Variants in NEDD4L observed in about 807,000 individuals in gnomAD.
NEDD4L encodes E3 ubiquitin-protein ligase NEDD4-like.
A neutral mutation model predicts 148.9 loss-of-function variants in NEDD4L; 54 were observed. The ratio of observed to expected loss-of-function variants is 0.36; its 90% CI spans 0.29 to 0.45. The LOEUF (loss-of-function observed/expected upper bound fraction) is 0.45. Ranked by LOEUF, NEDD4L falls within the 20% of genes least tolerant of loss-of-function variation. NEDD4L has a pLI of 1.00. For missense variants in NEDD4L, 856 were observed against 1,233.8 expected (o/e 0.69, Z 4.59); for synonymous variants, 433 against 440.7 (o/e 0.98, Z 0.22).
chr18:58,236,322 A>T (rs1210460405), intron 2 of NEDD4L, among the ~76,000 whole-genome samples: 1 of 151,860 alleles, frequency 6.6e-6, no homozygotes, highest in Non-Finnish European at 1.5e-5. Context: ...TTGCCACTGC[A>T]CTCCAGCCTG....
At chr18:58,258,653 G>C (rs1339205580) in intron 5 of NEDD4L, among the ~76,000 whole-genome samples, 1 of 152,196 alleles carries the variant, frequency 6.6e-6, no homozygotes, top group African/African-American at 2.4e-5. Context: ...TGGAGAGTAA[G>C]TTCCAACTAG....
chr18:58,109,587 T>TC (rs2085296016), intron 1 of NEDD4L, among the ~76,000 whole-genome samples: 4 of 149,912 alleles, frequency 2.7e-5, no homozygotes, highest in Admixed American at 2.0e-4. Flanking sequence ...TTTTTTTTTT[T>TC]TTGAGACGGA....
intron 1 of NEDD4L, among the ~76,000 whole-genome samples, chr18:58,139,595 T>G (rs2033262589): frequency 6.6e-6 from 1 of 152,102 alleles, no homozygotes; most frequent in Non-Finnish European, 1.5e-5. Context: ...ATCCCCTAAC[T>G]CCAGTGTTGG....
chr18:58,068,675 C>T (rs765016333), intron 1 of NEDD4L, among the ~76,000 whole-genome samples: 10 of 152,154 alleles, frequency 6.6e-5, no homozygotes, highest in Admixed American at 1.3e-4. Flanking sequence ...TCTCTACTGT[C>T]TTGGGTTGGT....
At chr18:58,151,561 C>T (rs1289321265) in intron 1 of NEDD4L, among the ~76,000 whole-genome samples, 4 of 150,788 alleles carry the variant, frequency 2.7e-5, no homozygotes, top group Admixed American at 6.6e-5. Context: ...TATAAAAATA[C>T]GGATACCACC....
chr18:58,204,503 G>A (rs562435087), intron 2 of NEDD4L, among the ~76,000 whole-genome samples: 5 of 152,180 alleles, frequency 3.3e-5, no homozygotes, highest in African/African-American at 4.8e-5. Flanking sequence ...AAGTAAGTCC[G>A]TTGACTTCAA....
chr18:58,293,239 A>G (rs1336576911), intron 5 of NEDD4L, among the ~76,000 whole-genome samples: 2 of 152,074 alleles, frequency 1.3e-5, no homozygotes, highest in Non-Finnish European at 2.9e-5. Flanking sequence ...AGGTGGGGGG[A>G]TAATTGTATC....
chr18:58,387,616 G>T, intron 27 of NEDD4L, 118 bp downstream of exon 27: 1 of 1,134,214 alleles, frequency 8.8e-7, no homozygotes. Context: ...AACTTTAGAT[G>T]AATTATATTA....
intron 2 of NEDD4L, among the ~76,000 whole-genome samples, chr18:58,188,209 T>C (rs1398815450): frequency 6.6e-6 from 1 of 152,140 alleles, no homozygotes; most frequent in African/African-American, 2.4e-5. Context: ...CATTTCTCCT[T>C]TCATCAGACA....
At chr18:58,155,253 G>A (rs749098432) in intron 1 of NEDD4L, among the ~76,000 whole-genome samples, 19 of 137,232 alleles carry the variant, frequency 1.4e-4, no homozygotes, top group Non-Finnish European at 2.6e-4. Context: ...TAGTAATTGC[G>A]ACTATCTTGT....
At chr18:58,280,870 G>A (rs778722173) in intron 5 of NEDD4L, among the ~76,000 whole-genome samples, 6 of 152,202 alleles carry the variant, frequency 3.9e-5, no homozygotes, top group Non-Finnish European at 8.8e-5. Context: ...AATGACTGAT[G>A]TAATTTGGTA....
At chr18:58,228,339 T>A (rs1415350681) in intron 2 of NEDD4L, among the ~76,000 whole-genome samples, 1 of 152,218 alleles carries the variant, frequency 6.6e-6, no homozygotes, top group East Asian at 1.9e-4. Flanking sequence ...GAGCTTGTTT[T>A]AACGTTACGT....
chr18:58,351,091 G>C (rs746517522), intron 18 of NEDD4L, 46 bp downstream of exon 18: 2 of 1,556,784 alleles, frequency 1.3e-6, no homozygotes, highest in South Asian at 2.4e-5. Flanking sequence ...GGGTTAGAGG[G>C]AAGGAGTAAT....
chr18:58,217,792 T>A (rs964673666), intron 2 of NEDD4L, among the ~76,000 whole-genome samples: 13 of 152,248 alleles, frequency 8.5e-5, no homozygotes, highest in African/African-American at 2.9e-4. Flanking sequence ...CATCTATATT[T>A]GGCTATATTT....
At chr18:58,292,672 A>G (rs1039300032) in intron 5 of NEDD4L, among the ~76,000 whole-genome samples, 14 of 152,202 alleles carry the variant, frequency 9.2e-5, no homozygotes, top group African/African-American at 3.4e-4. Context: ...GGATGGTTTT[A>G]TGCCTTTTCT....
chr18:58,164,239 A>G (rs1018865003), intron 1 of NEDD4L, among the ~76,000 whole-genome samples: 2 of 151,722 alleles, frequency 1.3e-5, no homozygotes, highest in Non-Finnish European at 2.9e-5. Context: ...GCACACCCCC[A>G]CAGAAGCCTT....
chr18:58,272,287 C>G lies in NEDD4L; in HGVS notation c.297+20233C>G, dbSNP rs113126998. On this transcript the variant is annotated intron_variant, in intron 5 of 30. Coordinates refer to ENST00000400345, the MANE Select transcript of NEDD4L (RefSeq NM_001144967.3). Reference sequence around the variant, plus strand: ...ATACAAATGAATATTTATTTGTAAACCTGGGTGATTAAGTAATAGCTGTTC... The same window carrying G: ...ATACAAATGAATATTTATTTGTAAAGCTGGGTGATTAAGTAATAGCTGTTC... Among the ~76,000 whole-genome samples, 512 of 152,082 alleles carry G rather than the reference C, an allele frequency of 3.4e-3. 2 individuals are homozygous for G. The highest frequency in any genetic ancestry group is 0.012 in the African/African-American group (489 of 41,462).
chr18:58,294,865 A>G (rs2149169877), intron 5 of NEDD4L, among the ~76,000 whole-genome samples: 1 of 152,254 alleles, frequency 6.6e-6, no homozygotes, highest in Admixed American at 6.5e-5. Context: ...TATTTAGGCT[A>G]TATTAAAATA....
chr18:58,103,985 C>T (rs1256047253), intron 1 of NEDD4L, among the ~76,000 whole-genome samples: 1 of 152,218 alleles, frequency 6.6e-6, no homozygotes, highest in Non-Finnish European at 1.5e-5. Flanking sequence ...TATGCTTATT[C>T]AAACTTACGG....
Sources: allele counts gnomAD v4.1 joint callset (sites outside exome capture counted in the v4.1 genomes callset), GRCh38; gene constraint gnomAD v4.1.1; transcripts MANE v1.5; gene names NCBI Gene and HGNC (gene_info 2026-07-23, HGNC 2026-07-21).